Variants in DAB1 observed in about 807,000 individuals in gnomAD.
DAB1 encodes the protein DAB adaptor protein 1, also known as disabled homolog 1.
DAB1 carries 15 observed loss-of-function variants against 64.6 expected under a neutral mutation model. The observed-to-expected ratio is 0.23, with a 90% CI of 0.16 to 0.36. DAB1 has a LOEUF of 0.36. Ranked by LOEUF, DAB1 falls within the 10% of genes least tolerant of loss-of-function variation. The pLI is 1.00. For missense variants in DAB1, 596 were observed against 706.7 expected, an observed-to-expected ratio of 0.84 and a Z score of 1.78; for synonymous variants, 235 against 251.9, an observed-to-expected ratio of 0.93 and a Z score of 0.64.
At chr1:57,246,931 G>C (rs1235007674) in intron 2 of DAB1, among the ~76,000 whole-genome samples, 1 of 152,208 alleles carries the variant, frequency 6.6e-6, no homozygotes, top group African/African-American at 2.4e-5. Context: ...TTTAGAATGG[G>C]AACATTTACC....
intron 1 of DAB1, among the ~76,000 whole-genome samples, chr1:57,411,052 C>A (rs1314614211): frequency 6.6e-6 from 1 of 152,042 alleles, no homozygotes; most frequent in South Asian, 2.1e-4. Flanking sequence ...AGTGAACTTA[C>A]GGAAAGATTA....
intron 1 of DAB1, among the ~76,000 whole-genome samples, chr1:57,840,270 T>G (rs1652990598): frequency 6.6e-6 from 1 of 152,066 alleles, no homozygotes; most frequent in Admixed American, 6.5e-5. Context: ...GTGTAAGGCT[T>G]CCTAGCAGAA....
intron 3 of DAB1, among the ~76,000 whole-genome samples, chr1:58,398,221 A>G (rs900057978): frequency 6.6e-6 from 1 of 152,284 alleles, no homozygotes; most frequent in African/African-American, 2.4e-5. Context: ...ACTTGTCTAC[A>G]TCTATACTCT....
chr1:57,420,142 C>T (rs973017939), intron 1 of DAB1, among the ~76,000 whole-genome samples: 1 of 152,224 alleles, frequency 6.6e-6, no homozygotes, highest in Non-Finnish European at 1.5e-5. Flanking sequence ...TAAGGTAACA[C>T]CCATTTTGTT....
intron 3 of DAB1, among the ~76,000 whole-genome samples, chr1:58,501,426 C>A (rs1164953390): frequency 6.6e-6 from 1 of 152,198 alleles, no homozygotes; most frequent in Non-Finnish European, 1.5e-5. Flanking sequence ...CTCCTCCAGT[C>A]CTCTGCTCAA....
chr1:57,281,425 A>T (rs1671883375), intron 2 of DAB1, among the ~76,000 whole-genome samples: 1 of 152,286 alleles, frequency 6.6e-6, no homozygotes, highest in South Asian at 2.1e-4. Flanking sequence ...GGAGAAGAAA[A>T]AACATGTACA....
chr1:58,457,020 T>C (rs78621998), intron 3 of DAB1, among the ~76,000 whole-genome samples: 1,669 of 152,280 alleles, frequency 0.011, 22 homozygotes, highest in African/African-American at 0.038. Flanking sequence ...GTTTAAACTT[T>C]AGTCTATGTG....
intron 1 of DAB1, among the ~76,000 whole-genome samples, chr1:57,840,593 G>A (rs905303668): frequency 6.6e-6 from 1 of 152,168 alleles, no homozygotes; most frequent in Admixed American, 6.5e-5. Flanking sequence ...CCACATGGCT[G>A]GGAAGGCCTC....
chr1:58,280,246 C>A (rs1661526402), intron 4 of DAB1, among the ~76,000 whole-genome samples: 1 of 152,210 alleles, frequency 6.6e-6, no homozygotes, highest in Admixed American at 6.5e-5. Flanking sequence ...TGCTCTGCTT[C>A]CCTTAGCCAC....
chr1:58,129,973 C>T (rs1351419608), intron 5 of DAB1, among the ~76,000 whole-genome samples: 1 of 145,196 alleles, frequency 6.9e-6, no homozygotes, highest in Non-Finnish European at 1.5e-5. Flanking sequence ...TCTATTAGGT[C>T]CCCTTGGTGC....
At chr1:58,389,943 C>T (rs1644462860) in intron 3 of DAB1, among the ~76,000 whole-genome samples, 1 of 152,044 alleles carries the variant, frequency 6.6e-6, no homozygotes, top group Non-Finnish European at 1.5e-5. Context: ...TGCCGGGCAG[C>T]AGCACTTGGG....
chr1:57,342,315 C>T (rs10889036), intron 1 of DAB1, among the ~76,000 whole-genome samples: 77,597 of 151,922 alleles, frequency 0.51, 20,558 homozygotes, highest in Non-Finnish European at 0.56. Context: ...GTACACTCTG[C>T]TCCCTGCAGC....
intron 3 of DAB1, among the ~76,000 whole-genome samples, chr1:58,435,819 T>C (rs1029257109): frequency 2.0e-5 from 3 of 152,376 alleles, no homozygotes; most frequent in Non-Finnish European, 4.4e-5. Flanking sequence ...TTCCATAATT[T>C]ATAAGACAGC....
Position 57,470,507 on chromosome 1 carries a change from C to T in DAB1, n.625+179085G>A, listed in dbSNP as rs549464585. 3.9e-5 allele frequency among the ~76,000 whole-genome samples: 6 copies of T among 152,284 alleles called. No individual in the cohort carries two copies. The East Asian group carries it at 1.2e-3, about 29-fold the overall frequency. Reference sequence around the variant, plus strand: ...GATTATATTGAAAGTATCTCTAAGTCTAAGGCTTAATGGTGGGTTAAGTGT... The same window carrying T: ...GATTATATTGAAAGTATCTCTAAGTTTAAGGCTTAATGGTGGGTTAAGTGT... On this transcript the variant is annotated intron_variant and non_coding_transcript_variant, in intron 7 of 20. Transcript: ENST00000485760.
chr1:57,955,732 C>T (rs556316053), intron 5 of DAB1, among the ~76,000 whole-genome samples: 1 of 152,072 alleles, frequency 6.6e-6, no homozygotes, highest in African/African-American at 2.4e-5. Flanking sequence ...GCAAATTACA[C>T]ACTGCTACTC....
chr1:57,984,179 TA>T (rs769375614), intron 5 of DAB1, among the ~76,000 whole-genome samples: 1 of 34,264 alleles, frequency 2.9e-5, no homozygotes, highest in African/African-American at 8.6e-5. Flanking sequence ...AGGACTAGCT[TA>T]AAAAAAAGAA....
chr1:58,307,370 G>A (rs745914395), intron 4 of DAB1, among the ~76,000 whole-genome samples: 1 of 152,130 alleles, frequency 6.6e-6, no homozygotes, highest in Non-Finnish European at 1.5e-5. Context: ...TAGTGAAAAC[G>A]GAGAGGTGAG....
At chr1:57,635,063 G>C (rs1469337447) in intron 7 of DAB1, among the ~76,000 whole-genome samples, 1 of 152,094 alleles carries the variant, frequency 6.6e-6, no homozygotes, top group Non-Finnish European at 1.5e-5. Flanking sequence ...GGAGGTACAG[G>C]GGACCCAGGC....
At chr1:57,240,505 A>G (rs1168457065) in intron 2 of DAB1, among the ~76,000 whole-genome samples, 1 of 152,160 alleles carries the variant, frequency 6.6e-6, no homozygotes, top group Non-Finnish European at 1.5e-5. Context: ...AAATGCCAGC[A>G]TTATTATCCC....
Sources: allele counts gnomAD v4.1 joint callset (sites outside exome capture counted in the v4.1 genomes callset), GRCh38; gene constraint gnomAD v4.1.1; transcripts MANE v1.5; gene names NCBI Gene and HGNC (gene_info 2026-07-23, HGNC 2026-07-21).